Variants in VPS52 observed in about 807,000 individuals in gnomAD.
VPS52 encodes the protein VPS52 subunit of GARP complex.
Under a neutral mutation model 98.7 loss-of-function variants are expected in VPS52, and 56 were observed. The observed-to-expected ratio is 0.57, with a 90% confidence interval of 0.46 to 0.71. The LOEUF is 0.71. Among genes scored for constraint, VPS52 ranks in the 30% least tolerant of loss-of-function variants. The probability of loss-of-function intolerance (pLI) is 0.00; values close to 1 mark genes in which losing one functional copy is unlikely to be tolerated. For synonymous variants in VPS52, 348 were observed against 346.4 expected (o/e 1.00, Z -0.05); for missense variants, 742 against 925.9 (o/e 0.80, Z 2.58).
intron 17 of VPS52, among the ~76,000 whole-genome samples, chr6:33,261,460 C>T (rs1763625608): frequency 6.6e-6 from 1 of 150,724 alleles, no homozygotes; most frequent in South Asian, 2.1e-4. Flanking sequence ...GAGCAAGACT[C>T]CGTCTGAAAA....
At chr6:33,255,420 T>C (rs1370176807) in intron 17 of VPS52, among the ~76,000 whole-genome samples, 1 of 145,286 alleles carries the variant, frequency 6.9e-6, no homozygotes, top group Admixed American at 7.0e-5. Flanking sequence ...CGCCTCAGCC[T>C]CCCAAGCAGC....
rs1210090674 is a variant in VPS52 at position 33,255,793 on chromosome 6, C to CT, written c.1795-3823dup. ...CCTGGGAGACAGAGGGAGACTCTGT[C>CT]TAAAAAAAAAAAAAAAAAAAAGAAA... On this transcript the variant is annotated intron_variant, in intron 17 of 19. Transcript: ENST00000445902. Among the ~76,000 whole-genome samples, 40 of 121,452 alleles carry CT rather than the reference C, an allele frequency of 3.3e-4. No individual in the cohort carries two copies. In the East Asian group the frequency reaches 9.5e-3, roughly 29 times the overall value. 79.7% of individuals were successfully genotyped at this position (121,452 alleles called of 152,430 possible). A position where few individuals can be genotyped will look rare whatever the true frequency, so the allele number is the denominator to read the frequency against.
rs1387562906 is a variant in VPS52 at position 33,271,552 on chromosome 6, G to A, written c.90+34C>T. 6.4e-6 allele frequency: 10 copies of A among 1,573,698 alleles called. No individual in the cohort carries two copies. The Admixed American group carries it at 1.6e-4, about 26-fold the overall frequency. On this transcript the variant is annotated intron_variant, in intron 1 of 19. Transcript: ENST00000445902. ...GGTCTTTCTGAAGCTAGGAGCACCGGAACTACGGAGGAGAAACAGCTCCGC... is the reference window on the plus strand; with the variant it reads ...GGTCTTTCTGAAGCTAGGAGCACCGAAACTACGGAGGAGAAACAGCTCCGC...
intron 19 of VPS52, 56 bp downstream of exon 19, chr6:33,251,462 T>C (rs1762226579): frequency 8.2e-7 from 1 of 1,225,186 alleles, no homozygotes; most frequent in Non-Finnish European, 1.2e-6. Flanking sequence ...AGCAAAAAGA[T>C]GGGGAAAATA....
intron 17 of VPS52, among the ~76,000 whole-genome samples, chr6:33,261,569 T>C (rs891516017): frequency 1.3e-5 from 2 of 151,860 alleles, no homozygotes; most frequent in African/African-American, 4.8e-5. Context: ...TCGCCACATA[T>C]GAAAACCAAA....
chr6:33,270,159 C>G (rs373524832), intron 2 of VPS52, 40 bp downstream of exon 2: 1 of 1,612,246 alleles, frequency 6.2e-7, no homozygotes, highest in Admixed American at 1.7e-5. Context: ...CCATGCCTCT[C>G]AGATTACAGG....
Position 33,267,492 on chromosome 6 carries a change from T to C in VPS52, c.992-171A>G. The C allele has an allele frequency of 8.3e-7, 1 of 1,206,088 alleles. No homozygotes were observed. Among genetic ancestry groups the C allele is most frequent in the Non-Finnish European group, 1.2e-6 (1 of 858,886 alleles). 74.7% of individuals were successfully genotyped at this position (1,206,088 alleles called of 1,614,324 possible). ...GGCTTCAGGGTGTCTCTCCCTCCCT[T>C]GCAATCATATGCAAAACTATGTGTC... On this transcript the variant is annotated intron_variant, in intron 10 of 19. Coordinates refer to ENST00000445902, the MANE Select transcript of VPS52 (RefSeq NM_022553.6). This position sits in a 1 kb window ranked among gnomAD's most constrained non-coding sequence, Gnocchi z 4.2.
rs536702531 is a variant in VPS52 at position 33,265,051 on chromosome 6, T to C, written c.1282-151A>G. The C allele has an allele frequency of 5.9e-5, 44 of 743,752 alleles. No homozygotes were observed. The African/African-American group carries it at 6.3e-4, about 11-fold the overall frequency. The allele number at this position is 743,752 out of a possible 1,614,324, so 46.1% of individuals were successfully genotyped here. A position where few individuals can be genotyped will look rare whatever the true frequency, so the allele number is the denominator to read the frequency against. On this transcript the variant is annotated intron_variant, in intron 12 of 19. Coordinates refer to ENST00000445902, the MANE Select transcript of VPS52 (RefSeq NM_022553.6). Reference sequence around the variant, plus strand: ...AAAATGGAACTGCCCCCTGCTTTCCTGTCCAGGATCTATGTTTTTGGCTTT... The same window carrying C: ...AAAATGGAACTGCCCCCTGCTTTCCCGTCCAGGATCTATGTTTTTGGCTTT...
intron 17 of VPS52, among the ~76,000 whole-genome samples, chr6:33,252,188 A>G (rs958856529): frequency 2.0e-5 from 3 of 152,256 alleles, no homozygotes; most frequent in Admixed American, 2.0e-4. Flanking sequence ...ATCACTAGAC[A>G]CAAAAGAAGG....
At chr6:33,264,166 C>A (rs2150835053) in intron 14 of VPS52, 63 bp from the exon 15 acceptor site, 2 of 1,590,718 alleles carry the variant, frequency 1.3e-6, no homozygotes, top group Non-Finnish European at 1.7e-6. Flanking sequence ...AACCTCCCAA[C>A]TTCCTTAGCC....
Position 33,268,319 on chromosome 6 carries a change from T to C in VPS52, c.700-111A>G, listed in dbSNP as rs994962647. 1.5e-6 allele frequency: 2 copies of C among 1,350,604 alleles called. No individual in the cohort carries two copies. The highest frequency in any genetic ancestry group is 4.6e-5 in the East Asian group (2 of 43,378). The allele number at this position is 1,350,604 out of a possible 1,614,324, so 83.7% of individuals were successfully genotyped here. On this transcript the variant is annotated intron_variant, in intron 7 of 19. Transcript: ENST00000445902. This position sits in a 1 kb window ranked among gnomAD's most constrained non-coding sequence, Gnocchi z 4.0. ...CATAGGCAGAAGGGTGGTGAATATCTCTTTGGTATTTCTCAAGATTTTCAG... is the reference window on the plus strand; with the variant it reads ...CATAGGCAGAAGGGTGGTGAATATCCCTTTGGTATTTCTCAAGATTTTCAG...
rs538890761 is a variant in VPS52 at position 33,265,019 on chromosome 6, G to A, written c.1282-119C>T. ...GATGCACTGGACAGGACAGAAGGGA[G>A]AGACGTAAAATGGAACTGCCCCCTG... On this transcript the variant is annotated intron_variant, in intron 12 of 19. Coordinates refer to ENST00000445902, the MANE Select transcript of VPS52 (RefSeq NM_022553.6). The A allele has an allele frequency of 6.6e-6, 6 of 915,864 alleles. No individual in the cohort carries two copies. In the African/African-American group the frequency reaches 8.1e-5, roughly 12 times the overall value. 56.7% of individuals were successfully genotyped at this position (915,864 alleles called of 1,614,324 possible).
intron 17 of VPS52, among the ~76,000 whole-genome samples, chr6:33,263,274 A>AC (rs1763847106): frequency 6.7e-6 from 1 of 148,498 alleles, no homozygotes; most frequent in Admixed American, 6.8e-5. Flanking sequence ...AAAAAAAAAA[A>AC]AAAAAAAAAA....
Position 33,269,473 on chromosome 6 carries a change from A to AGTG in VPS52, c.372+16_372+17insCAC, listed in dbSNP as rs775611506. ...GTTCAGAGTAGCTATTAGGGGTCACAGGTCATGATTACTAACCTCCAGGAC... is the reference window on the plus strand; with the variant it reads ...GTTCAGAGTAGCTATTAGGGGTCACAGTGGGTCATGATTACTAACCTCCAGGAC... On this transcript the variant is annotated intron_variant, in intron 5 of 19. Coordinates refer to ENST00000445902, the MANE Select transcript of VPS52 (RefSeq NM_022553.6). The AGTG allele has an allele frequency of 1.1e-4, 184 of 1,613,206 alleles. No individual in the cohort carries two copies. In the African/African-American group the frequency reaches 2.1e-3, roughly 18 times the overall value.
At chr6:33,265,032 G>C in intron 12 of VPS52, 132 bp from the exon 13 acceptor site, 1 of 824,074 alleles carries the variant, frequency 1.2e-6, no homozygotes, top group Admixed American at 1.8e-5. Context: ...ACGTAAAATG[G>C]AACTGCCCCC....
At chr6:33,252,588 CAAAAA>C (rs9280379) in intron 17 of VPS52, among the ~76,000 whole-genome samples, 3 of 96,172 alleles carry the variant, frequency 3.1e-5, no homozygotes, top group Admixed American at 1.1e-4. Context: ...GACTCCGTCT[CAAAAA>C]AAAAAAAAAA....
At chr6:33,271,131 G>A (rs1252596625) in intron 1 of VPS52, 4 of 465,080 alleles carry the variant, frequency 8.6e-6, no homozygotes, top group Non-Finnish European at 1.2e-5. Flanking sequence ...AACACATAGT[G>A]TTTACCTGCA....
At chr6:33,252,264 C>T (rs552825858) in intron 17 of VPS52, among the ~76,000 whole-genome samples, 11 of 152,314 alleles carry the variant, frequency 7.2e-5, no homozygotes, top group Admixed American at 1.3e-4. Context: ...CTATCCGATA[C>T]GGATAGCAGT....
chr6:33,258,691 CT>C (rs1249663395), intron 17 of VPS52, among the ~76,000 whole-genome samples: 5 of 152,126 alleles, frequency 3.3e-5, no homozygotes, highest in African/African-American at 1.2e-4. Context: ...TTCAGCGCCC[CT>C]GAGGAGCTGG....
Sources: gnomAD v4.1 joint callset for allele counts (sites outside exome capture counted in the v4.1 genomes callset) on GRCh38, gnomAD v4.1.1 for gene constraint, Gnocchi (gnomAD v3.1) non-coding constraint, MANE v1.5 for transcripts, NCBI Gene and HGNC (gene_info 2026-07-23, HGNC 2026-07-21) for gene names.